Variants in PRSS54 observed in about 807,000 individuals in gnomAD.
PRSS54 encodes the protein inactive serine protease 54.
PRSS54 carries 16 observed loss-of-function variants against 19.9 expected under a neutral mutation model. The ratio of observed to expected loss-of-function variants is 0.80; its 90% confidence interval spans 0.54 to 1.22. The LOEUF is 1.22. Among genes scored for constraint, PRSS54 ranks in the 50% most tolerant of loss-of-function variants. PRSS54 has a pLI of 0.00. For synonymous variants in PRSS54, 177 were observed against 195.8 expected (o/e 0.90, Z 0.80); for missense variants, 444 against 494.8 (o/e 0.90, Z 0.97).
chr16:58,280,773 GA>G lies in PRSS54; in HGVS notation c.655-17del. ...CTGGGTCCCCCTGTGATAAAAGACA[GA>G]AGGCTTCAAGTCTTAGAAAAACTAG... On this transcript the variant is annotated splice_polypyrimidine_tract_variant and intron_variant, in intron 6 of 6. Transcript: ENST00000567164. 1.3e-6 allele frequency: 2 copies of G among 1,584,018 alleles called. No individual in the cohort carries two copies. The highest frequency in any genetic ancestry group is 1.7e-6 in the Non-Finnish European group (2 of 1,162,942).
At chr16:58,286,286 AACAC>A in intron 4 of PRSS54, 91 bp from the exon 5 acceptor site, 1 of 1,342,798 alleles carries the variant, frequency 7.4e-7, no homozygotes, top group Non-Finnish European at 1.1e-6. Flanking sequence ...TTCAGCCTGG[AACAC>A]TCATCCAGCT....
intron 5 of PRSS54, among the ~76,000 whole-genome samples, chr16:58,284,965 C>A (rs1964879602): frequency 6.6e-6 from 1 of 152,034 alleles, no homozygotes; most frequent in Non-Finnish European, 1.5e-5. Context: ...TAGGCATGCA[C>A]CACAACGCCC....
intron 6 of PRSS54, chr16:58,282,720 C>CA (rs1389632464): frequency 6.6e-6 from 1 of 152,270 alleles, no homozygotes; most frequent in African/African-American, 2.4e-5. Flanking sequence ...GTGTGCACCT[C>CA]ACTATGTCTG....
intron 4 of PRSS54, 110 bp downstream of exon 4, chr16:58,290,849 T>C: frequency 8.2e-7 from 1 of 1,224,490 alleles, no homozygotes; most frequent in Non-Finnish European, 1.1e-6. Context: ...TAAAAAGCCC[T>C]GTCCCCCCAG....
rs1475591562 is a variant in PRSS54, at chr16:58,280,148, C to T, written c.*76G>A. ...CCAGTGTGCAACTATCAAAAACAGA[C>T]ATCAAAACAGCATGGTGAATGCCTG... is the stretch of plus-strand genomic sequence containing the variant. On this transcript the variant is annotated 3_prime_UTR_variant, in exon 7 of 7. Transcript: ENST00000567164. The T allele has an allele frequency of 3.5e-6, 5 of 1,449,096 alleles. No individual in the cohort carries two copies. In the Admixed American group the frequency reaches 8.1e-5, roughly 23 times the overall value. The allele number at this position is 1,449,096 out of a possible 1,614,324, so 89.8% of individuals were successfully genotyped here.
At position 58,280,164 on chromosome 16, in the gene PRSS54, T is replaced by C. The variant is rs11640086; in HGVS notation, c.*60A>G. 1.3e-6 allele frequency: 2 copies of C among 1,500,746 alleles called. No individual in the cohort carries two copies. The highest frequency in any genetic ancestry group is 4.5e-5 in the East Asian group (2 of 44,148). The allele number at this position is 1,500,746 out of a possible 1,614,324, so 93.0% of individuals were successfully genotyped here. Reference sequence around the variant, plus strand: ...AAAAACAGACATCAAAACAGCATGGTGAATGCCTGGCACTCAGCATTCTCA... The same window carrying C: ...AAAAACAGACATCAAAACAGCATGGCGAATGCCTGGCACTCAGCATTCTCA... On this transcript the variant is annotated 3_prime_UTR_variant, in exon 7 of 7. Coordinates refer to ENST00000567164, the MANE Select transcript of PRSS54 (RefSeq NM_001305173.2).
intron 4 of PRSS54, among the ~76,000 whole-genome samples, chr16:58,287,438 T>G (rs1173150593): frequency 6.6e-6 from 1 of 152,164 alleles, no homozygotes; most frequent in African/African-American, 2.4e-5. Context: ...TGACACCATC[T>G]CTGGGCTCTA....
intron 6 of PRSS54, chr16:58,283,008 C>T (rs1467819741): frequency 6.6e-6 from 1 of 152,228 alleles, no homozygotes; most frequent in African/African-American, 2.4e-5. Context: ...AGGCGAACAG[C>T]TCCAGGTGCC....
chr16:58,286,599 G>A (rs66776051), intron 4 of PRSS54, among the ~76,000 whole-genome samples: 5,403 of 152,058 alleles, frequency 0.036, 140 homozygotes, highest in East Asian at 0.08. Flanking sequence ...TTTAAAACAG[G>A]CATCTTTCTT....
At chr16:58,287,421 G>C (rs916939200) in intron 4 of PRSS54, among the ~76,000 whole-genome samples, 1 of 152,214 alleles carries the variant, frequency 6.6e-6, no homozygotes, top group African/African-American at 2.4e-5. Context: ...AGGTAACAAC[G>C]CTGTGCTGAC....
At chr16:58,284,501 C>T in intron 6 of PRSS54, 89 bp downstream of exon 6, 2 of 1,503,410 alleles carry the variant, frequency 1.3e-6, no homozygotes, top group African/African-American at 1.4e-5. Flanking sequence ...CACAGAGCTC[C>T]CCATCTAGGG....
intron 6 of PRSS54, chr16:58,283,907 A>G (rs1964847468): frequency 6.6e-6 from 1 of 152,192 alleles, no homozygotes; most frequent in Non-Finnish European, 1.5e-5. Context: ...GGGGAAAAAA[A>G]ATTCCCCATC....
chr16:58,293,562 A>G (rs1318867407), intron 3 of PRSS54, 170 bp downstream of exon 3: 1 of 985,114 alleles, frequency 1.0e-6, no homozygotes, highest in Non-Finnish European at 1.2e-6. Context: ...CCCATGATTC[A>G]CTTCTTTGCC....
Position 58,280,715 on chromosome 16 carries a change from C to G in PRSS54, c.697G>C (p.Asp233His). 3 of 1,613,518 alleles carry G rather than the reference C, an allele frequency of 1.9e-6. No homozygotes were observed. The highest frequency in any genetic ancestry group is 2.5e-6 in the Non-Finnish European group (3 of 1,179,494). ...AGGACTCCTCTCAGAACCCACAGAT[C>G]GAACTGCTGTAGCTGGCACATCATT... ...SPMMCQLQQFDLWVLRGVLNF... is the reference protein window; with the variant it reads ...SPMMCQLQQFHLWVLRGVLNF... Residue 233 changes from aspartate to histidine, a missense_variant, in exon 7 of 7, where the codon GAT becomes CAT. Coordinates refer to ENST00000567164, the MANE Select transcript of PRSS54 (RefSeq NM_001305173.2).
chr16:58,284,405 T>A (rs1356836260), intron 6 of PRSS54, 185 bp downstream of exon 6: 4 of 585,038 alleles, frequency 6.8e-6, no homozygotes, highest in Non-Finnish European at 1.2e-5. Context: ...GACTGGTTAG[T>A]TCATTCAGCA....
chr16:58,291,066 C>A lies in PRSS54; in HGVS notation c.156G>T (p.Glu52Asp). The A allele has an allele frequency of 6.2e-7, 1 of 1,614,192 alleles. No individual in the cohort carries two copies. The highest frequency in any genetic ancestry group is 8.5e-7 in the Non-Finnish European group (1 of 1,180,036). The change falls in exon 4 of 7, where the codon GAG (glutamate) becomes GAT (aspartate). Residue 52 changes from glutamate to aspartate, a missense_variant. By Grantham distance (45) the Glu-to-Asp change is conservative (BLOSUM62 2). Transcript: ENST00000567164. ...DPKEGLVSSM[E>D]FPWVVSLQDS... is the part of the protein sequence containing the mutation. The stretch of plus-strand genomic sequence containing the variant: ...CCTGCAGCGACACCACCCACGGGAA[C>A]TCCATGCTGCTGACCAAGCCCTCCT...
chr16:58,282,993 G>A (rs532504308), intron 6 of PRSS54: 3 of 152,350 alleles, frequency 2.0e-5, no homozygotes, highest in African/African-American at 7.2e-5. Context: ...AAGCACAAGA[G>A]GCAGAGGCGA....
At chr16:58,284,473 C>T in intron 6 of PRSS54, 117 bp downstream of exon 6, 1 of 1,173,956 alleles carries the variant, frequency 8.5e-7, no homozygotes, top group South Asian at 1.4e-5. Context: ...GACAGCCACT[C>T]ATCCCAAGCC....
In PRSS54 at chr16:58,291,152, G is replaced by T. The variant is rs759187371; in HGVS notation, c.86-16C>A. Reference sequence around the variant, plus strand: ...ACGCCACAACCTGCGGAGCAGGTGCGGGGCCTCACTGCCGGGGCAAGGAGA... The same window carrying T: ...ACGCCACAACCTGCGGAGCAGGTGCTGGGCCTCACTGCCGGGGCAAGGAGA... On this transcript the variant is annotated splice_polypyrimidine_tract_variant and intron_variant, in intron 3 of 6. Transcript: ENST00000567164. The T allele has an allele frequency of 3.7e-6, 6 of 1,611,466 alleles. No individual in the cohort carries two copies. The highest frequency in any genetic ancestry group is 5.1e-6 in the Non-Finnish European group (6 of 1,179,140).
Sources: gnomAD v4.1 joint callset for allele counts (sites outside exome capture counted in the v4.1 genomes callset) on GRCh38, gnomAD v4.1.1 for gene constraint, MANE v1.5 for transcripts, NCBI Gene and HGNC (gene_info 2026-07-23, HGNC 2026-07-21) for gene names.